Variants in POLR3F observed in about 807,000 individuals in gnomAD.
POLR3F encodes the protein DNA-directed RNA polymerase III subunit RPC6.
POLR3F carries 31 observed loss-of-function variants against 43.6 expected under a neutral mutation model. The ratio of observed to expected loss-of-function variants is 0.71; its 90% CI spans 0.53 to 0.96. The LOEUF (loss-of-function observed/expected upper bound fraction) is 0.96. POLR3F is among the 40% of genes least tolerant of loss of function. The probability of loss-of-function intolerance (pLI) is 0.00; values close to 1 mark genes in which losing one functional copy is unlikely to be tolerated. For missense variants in POLR3F, 316 were observed against 391.7 expected, an observed-to-expected ratio of 0.81 and a Z score of 1.63; for synonymous variants, 114 against 132.5, an observed-to-expected ratio of 0.86 and a Z score of 0.96.
intron 4 of POLR3F, 105 bp downstream of exon 4, chr20:18,473,563 T>C (rs2148863029): frequency 1.8e-6 from 1 of 565,868 alleles, no homozygotes; most frequent in East Asian, 2.8e-5. Flanking sequence ...CAGAGTATAC[T>C]GAGGAAGGTA....
chr20:18,484,360 C>A lies in POLR3F; in HGVS notation c.*802C>A, dbSNP rs1133724. On this transcript the variant is annotated 3_prime_UTR_variant, in exon 9 of 9. Transcript: ENST00000377603. Reference sequence around the variant, plus strand: ...AGTAGACTGAATGTTTGTGTGCCCCCAGAATTCTAATGTTGAAATCTCATT... The same window carrying A: ...AGTAGACTGAATGTTTGTGTGCCCCAAGAATTCTAATGTTGAAATCTCATT... 2.4e-4 allele frequency: 92 copies of A among 382,134 alleles called. No homozygotes were observed. In the East Asian group the frequency reaches 3.2e-3, roughly 13 times the overall value. The allele number at this position is 382,134 out of a possible 1,614,324, so 23.7% of individuals were successfully genotyped here.
At position 18,467,457 on chromosome 20, in the gene POLR3F, C is replaced by T. The variant is rs773684124; in HGVS notation, c.-50C>T. On this transcript the variant is annotated 5_prime_UTR_variant, in exon 1 of 9. Coordinates refer to ENST00000377603, the MANE Select transcript of POLR3F (RefSeq NM_006466.4). ...GTTCCCCGGGTTCCCCGGCTTGCTA[C>T]CGGGCTGCTCCGTGCATCTTTCCCC... The T allele has an allele frequency of 1.2e-6, 2 of 1,607,188 alleles. No individual in the cohort carries two copies. Among genetic ancestry groups the T allele is most frequent in the Admixed American group, 1.7e-5 (1 of 59,970 alleles).
Position 18,467,428 on chromosome 20 carries a change from ACTGGTTCCC to A in POLR3F, c.-77_-69del. The stretch of plus-strand genomic sequence containing the variant: ...CGGCCTCAGCAGAGCGCTATCCTCC[ACTGGTTCCC>A]CGGGTTCCCCGGCTTGCTACCGGGC... On this transcript the variant is annotated 5_prime_UTR_variant, in exon 1 of 9. Transcript: ENST00000377603. 1 of 1,511,210 alleles carries A rather than the reference ACTGGTTCCC, an allele frequency of 6.6e-7. No individual in the cohort carries two copies. The highest frequency in any genetic ancestry group is 1.1e-5 in the South Asian group (1 of 88,830). The allele number at this position is 1,511,210 out of a possible 1,614,324, so 93.6% of individuals were successfully genotyped here.
chr20:18,480,904 A>AT (rs2059806399), intron 7 of POLR3F, among the ~76,000 whole-genome samples: 1 of 152,106 alleles, frequency 6.6e-6, no homozygotes, highest in South Asian at 2.1e-4. Flanking sequence ...CAAAGTGGCC[A>AT]TTTTGGACAT....
chr20:18,469,234 G>C, intron 2 of POLR3F, 173 bp downstream of exon 2: 1 of 590,988 alleles, frequency 1.7e-6, no homozygotes, highest in Non-Finnish European at 3.1e-6. Context: ...AAAGAGGTTA[G>C]CATTTTGAAT....
intron 5 of POLR3F, among the ~76,000 whole-genome samples, 197 bp from the exon 6 acceptor site, chr20:18,479,841 T>C (rs548954752): frequency 6.6e-6 from 1 of 152,324 alleles, no homozygotes; most frequent in Non-Finnish European, 1.5e-5. Flanking sequence ...TTATCAATAT[T>C]AGTTCATTAA....
chr20:18,480,598 T>G (rs1372918962), intron 7 of POLR3F, 89 bp downstream of exon 7: 6 of 797,000 alleles, frequency 7.5e-6, no homozygotes, highest in Admixed American at 2.6e-5. Context: ...ACATTGTTTT[T>G]TTTTTTTGAG....
At chr20:18,480,586 C>T (rs1299424517) in intron 7 of POLR3F, 77 bp downstream of exon 7, 2 of 804,730 alleles carry the variant, frequency 2.5e-6, no homozygotes, top group East Asian at 5.6e-5. Flanking sequence ...TGTATTTGAC[C>T]CACATTGTTT....
At position 18,483,377 on chromosome 20, in the gene POLR3F, T is replaced by C; in HGVS notation, c.874-104T>C. On this transcript the variant is annotated intron_variant, in intron 8 of 8. Coordinates refer to ENST00000377603, the MANE Select transcript of POLR3F (RefSeq NM_006466.4). ...TGTTCTTAAGTACAGTCCTAGTCCC[T>C]TTCAGTTTGAAAGTTTTGTTTTTAA... is the stretch of plus-strand genomic sequence containing the variant. The C allele has an allele frequency of 6.4e-6, 4 of 625,388 alleles. No individual in the cohort carries two copies. In the South Asian group the frequency reaches 7.8e-5, roughly 12 times the overall value. 38.7% of individuals were successfully genotyped at this position (625,388 alleles called of 1,614,324 possible). A position where few individuals can be genotyped will look rare whatever the true frequency, so the allele number is the denominator to read the frequency against.
chr20:18,478,533 A>G (rs972213073), intron 5 of POLR3F, among the ~76,000 whole-genome samples: 4 of 152,120 alleles, frequency 2.6e-5, no homozygotes, highest in African/African-American at 9.7e-5. Context: ...CATGTTTACA[A>G]CCCAGTGAAA....
At chr20:18,476,209 G>A (rs1327283328) in intron 5 of POLR3F, among the ~76,000 whole-genome samples, 4 of 152,106 alleles carry the variant, frequency 2.6e-5, no homozygotes. Flanking sequence ...TCTAATTTTA[G>A]AACATTTTCA....
intron 2 of POLR3F, among the ~76,000 whole-genome samples, chr20:18,469,777 C>T (rs574774743): frequency 8.1e-4 from 123 of 152,342 alleles, no homozygotes; most frequent in African/African-American, 2.9e-3. Flanking sequence ...TTAATTGCCA[C>T]TGCCATACAT....
At chr20:18,477,327 A>T (rs1257997120) in intron 5 of POLR3F, among the ~76,000 whole-genome samples, 1 of 152,228 alleles carries the variant, frequency 6.6e-6, no homozygotes, top group Admixed American at 6.5e-5. Flanking sequence ...ACAGACCAAG[A>T]TGAACACTCA....
chr20:18,480,657 C>G, intron 7 of POLR3F, 148 bp downstream of exon 7: 1 of 633,586 alleles, frequency 1.6e-6, no homozygotes, highest in Non-Finnish European at 2.8e-6. Context: ...AAATACTGTC[C>G]TGTATCTTAG....
chr20:18,482,879 T>C (rs2059817857), intron 8 of POLR3F, among the ~76,000 whole-genome samples: 3 of 152,160 alleles, frequency 2.0e-5, no homozygotes, highest in African/African-American at 7.2e-5. Flanking sequence ...CATGAAACAT[T>C]TGGTTAATCA....
chr20:18,481,726 A>G lies in POLR3F; in HGVS notation c.789A>G (p.Val263=), dbSNP rs562716571. Reference sequence around the variant, plus strand: ...CAAAAGAAGGCACAGTTGGCAGTGTAGATGGACACATGAAACTGTACAGGG... The same window carrying G: ...CAAAAGAAGGCACAGTTGGCAGTGTGGATGGACACATGAAACTGTACAGGG... The part of the protein sequence containing the change: ...IAAKEGTVGS[V]DGHMKLYRAV... The change falls in exon 8 of 9, where the codon GTA becomes GTG. Residue 263 remains valine (V), a synonymous_variant. Coordinates refer to ENST00000377603, the MANE Select transcript of POLR3F (RefSeq NM_006466.4). The G allele has an allele frequency of 7.6e-5, 123 of 1,612,958 alleles. 2 individuals carry two copies. In the South Asian group the frequency reaches 1.3e-3, roughly 17 times the overall value.
chr20:18,470,034 T>TGAA (rs2059739878), intron 2 of POLR3F, among the ~76,000 whole-genome samples: 1 of 152,208 alleles, frequency 6.6e-6, no homozygotes. Context: ...AATTTATCAG[T>TGAA]GAAGCCATTC....
At chr20:18,472,289 C>A (rs897616059) in intron 2 of POLR3F, among the ~76,000 whole-genome samples, 1 of 152,002 alleles carries the variant, frequency 6.6e-6, no homozygotes, top group African/African-American at 2.4e-5. Flanking sequence ...TGCAGTGGTG[C>A]GATCTCAGCT....
At chr20:18,467,949 G>A (rs1284829628) in intron 1 of POLR3F, among the ~76,000 whole-genome samples, 5 of 152,196 alleles carry the variant, frequency 3.3e-5, no homozygotes, top group Non-Finnish European at 7.3e-5. Context: ...CTAAGGGAAC[G>A]TCTATGACAA....
Sources: allele counts gnomAD v4.1 joint callset (sites outside exome capture counted in the v4.1 genomes callset), GRCh38; gene constraint gnomAD v4.1.1; transcripts MANE v1.5; gene names NCBI Gene and HGNC (gene_info 2026-07-23, HGNC 2026-07-21).